Variants in MLLT3 observed in about 807,000 individuals in gnomAD.
MLLT3 encodes MLLT3 super elongation complex subunit, also known as protein AF-9.
In MLLT3, 4 loss-of-function variants were observed where a neutral mutation model predicts 53.2. The ratio of observed to expected loss-of-function variants is 0.08; its 90% CI spans 0.04 to 0.17. MLLT3 has a LOEUF of 0.17. MLLT3 is among the 10% of genes least tolerant of loss of function. The probability of loss-of-function intolerance (pLI) is 1.00; values close to 1 mark genes in which losing one functional copy is unlikely to be tolerated. For synonymous variants in MLLT3, 283 were observed against 230.6 expected, an observed-to-expected ratio of 1.23 and a Z score of -2.06; for missense variants, 569 against 684.0, an observed-to-expected ratio of 0.83 and a Z score of 1.87.
At chr9:20,602,273 A>G (rs771324373) in intron 2 of MLLT3, among the ~76,000 whole-genome samples, 8 of 152,180 alleles carry the variant, frequency 5.3e-5, no homozygotes, top group Non-Finnish European at 1.0e-4. Context: ...AAAATAACTT[A>G]TCCCATGGGA....
intron 2 of MLLT3, among the ~76,000 whole-genome samples, chr9:20,489,162 C>T (rs1212000520): frequency 1.3e-5 from 2 of 151,716 alleles, no homozygotes; most frequent in African/African-American, 4.8e-5. Context: ...CAAGGGAGAG[C>T]GGGTGGAAGG....
intron 2 of MLLT3, among the ~76,000 whole-genome samples, chr9:20,468,165 T>C (rs186426117): frequency 5.9e-5 from 9 of 152,356 alleles, no homozygotes; most frequent in Middle Eastern, 3.4e-3. Flanking sequence ...CCTTAACTTT[T>C]AAAACACTTT....
intron 2 of MLLT3, among the ~76,000 whole-genome samples, chr9:20,457,072 T>C (rs186845895): frequency 6.6e-6 from 1 of 152,192 alleles, no homozygotes; most frequent in African/African-American, 2.4e-5. Context: ...TCACTTGTTA[T>C]TACCCTGCCC....
chr9:20,490,586 G>A lies in MLLT3; in HGVS notation c.194-33800C>T, dbSNP rs114659040. On this transcript the variant is annotated intron_variant, in intron 2 of 10. Transcript: ENST00000380338. ...AGCAGATTCTTCCCAGAGCCCAGCT[G>A]GCAACACCTAGATTTCAGCCTCAGG... Among the ~76,000 whole-genome samples, 655 of 152,270 alleles carry A rather than the reference G, an allele frequency of 4.3e-3. 10 individuals are homozygous for A. Among genetic ancestry groups the A allele is most frequent in the African/African-American group, 0.013 (550 of 41,544 alleles).
chr9:20,461,932 G>C (rs1824118768), intron 2 of MLLT3, among the ~76,000 whole-genome samples: 1 of 152,110 alleles, frequency 6.6e-6, no homozygotes, highest in Non-Finnish European at 1.5e-5. Context: ...CTACTGCTTT[G>C]TGCCAAATGT....
chr9:20,505,526 AG>A (rs1465775396), intron 2 of MLLT3, among the ~76,000 whole-genome samples: 3 of 152,278 alleles, frequency 2.0e-5, no homozygotes, highest in Admixed American at 6.5e-5. Context: ...CATATGTAAC[AG>A]CAAAAATAAC....
At chr9:20,455,022 G>A (rs995361033) in intron 3 of MLLT3, among the ~76,000 whole-genome samples, 4 of 152,164 alleles carry the variant, frequency 2.6e-5, no homozygotes, top group African/African-American at 4.8e-5. Flanking sequence ...ACAAGTATTG[G>A]AGAAATTGGT....
At chr9:20,591,708 A>C (rs1049834517) in intron 2 of MLLT3, among the ~76,000 whole-genome samples, 16 of 152,240 alleles carry the variant, frequency 1.1e-4, no homozygotes, top group Non-Finnish European at 2.2e-4. Flanking sequence ...TTTCACAGAA[A>C]GAATACTTTA....
At chr9:20,428,312 G>T (rs1164915461) in intron 4 of MLLT3, among the ~76,000 whole-genome samples, 1 of 151,930 alleles carries the variant, frequency 6.6e-6, no homozygotes, top group Non-Finnish European at 1.5e-5. Context: ...GAGCCTTTTA[G>T]TAAAAGAACA....
In MLLT3 at chr9:20,346,245, C is replaced by T. The variant is rs1486984862; in HGVS notation, c.*198G>A. The T allele has an allele frequency of 1.3e-5, 7 of 550,710 alleles. No individual in the cohort carries two copies. Among genetic ancestry groups the T allele is most frequent in the African/African-American group, 7.6e-5 (4 of 52,292 alleles). 34.1% of individuals were successfully genotyped at this position (550,710 alleles called of 1,614,324 possible). ...TCCGCTGAGGCTGGTTTGCTTTAAC[C>T]TCTCCTTTATCAAGAGATGATGACT... On this transcript the variant is annotated 3_prime_UTR_variant, in exon 11 of 11. Transcript: ENST00000380338.
intron 2 of MLLT3, among the ~76,000 whole-genome samples, chr9:20,524,209 G>A (rs922186373): frequency 6.6e-6 from 1 of 151,946 alleles, no homozygotes; most frequent in Non-Finnish European, 1.5e-5. Flanking sequence ...ACGAAGCTGT[G>A]CATGTGTGGG....
chr9:20,610,831 T>G (rs1820683493), intron 2 of MLLT3, among the ~76,000 whole-genome samples: 1 of 152,150 alleles, frequency 6.6e-6, no homozygotes, highest in Non-Finnish European at 1.5e-5. Flanking sequence ...TAGTTACTAT[T>G]TCTGTGCATA....
intron 2 of MLLT3, among the ~76,000 whole-genome samples, chr9:20,466,354 G>A (rs545203492): frequency 1.3e-5 from 2 of 152,110 alleles, no homozygotes; most frequent in African/African-American, 2.4e-5. Context: ...CACAGTGTTA[G>A]TGTCCCCTTA....
chr9:20,565,428 T>C (rs1819327932), intron 2 of MLLT3, among the ~76,000 whole-genome samples: 1 of 152,074 alleles, frequency 6.6e-6, no homozygotes, highest in Non-Finnish European at 1.5e-5. Context: ...GGAAAACTTC[T>C]AGAGTAGCCC....
At chr9:20,465,244 C>G (rs1387183972) in intron 2 of MLLT3, among the ~76,000 whole-genome samples, 2 of 151,928 alleles carry the variant, frequency 1.3e-5, no homozygotes, top group African/African-American at 4.8e-5. Context: ...GGGAAAAGTA[C>G]AAAAAGAGAT....
At chr9:20,525,332 AC>A (rs1349584954) in intron 2 of MLLT3, among the ~76,000 whole-genome samples, 1 of 152,034 alleles carries the variant, frequency 6.6e-6, no homozygotes, top group East Asian at 1.9e-4. Context: ...TCCTGTCTGT[AC>A]TAAAAGTACA....
At chr9:20,618,633 A>C (rs78953419) in intron 2 of MLLT3, among the ~76,000 whole-genome samples, 2,147 of 152,314 alleles carry the variant, frequency 0.014, 55 homozygotes, top group African/African-American at 0.049. Context: ...CAACAAGCAG[A>C]CATCTCTCAC....
At chr9:20,570,879 A>G (rs1819515342) in intron 2 of MLLT3, among the ~76,000 whole-genome samples, 1 of 152,206 alleles carries the variant, frequency 6.6e-6, no homozygotes, top group African/African-American at 2.4e-5. Context: ...GTTAAGAACT[A>G]AATAGATTCT....
chr9:20,585,586 T>C lies in MLLT3; in HGVS notation c.193+35068A>G, dbSNP rs545278145. ...GATCCACATCCTTCCCAGCACTTGA[T>C]TCTAAATCTTCACCATTCTAATGGT... On this transcript the variant is annotated intron_variant, in intron 2 of 10. Transcript: ENST00000380338. 2.6e-5 allele frequency among the ~76,000 whole-genome samples: 4 copies of C among 152,328 alleles called. No individual in the cohort carries two copies. The South Asian group carries it at 6.2e-4, about 24-fold the overall frequency.
Sources: allele counts gnomAD v4.1 joint callset (sites outside exome capture counted in the v4.1 genomes callset), GRCh38; gene constraint gnomAD v4.1.1; transcripts MANE v1.5; gene names NCBI Gene and HGNC (gene_info 2026-07-23, HGNC 2026-07-21).